The following CNTNAP2 variants were observed in gnomAD, a reference collection of about 807,000 sequenced individuals.
CNTNAP2 encodes the protein contactin associated protein 2.
Under a neutral mutation model 155.2 loss-of-function variants are expected in CNTNAP2, and 98 were observed. The ratio of observed to expected loss-of-function variants is 0.63; its 90% CI spans 0.54 to 0.75. The LOEUF is 0.75. CNTNAP2 is among the 30% of genes least tolerant of loss of function. The pLI is 0.00. For missense variants in CNTNAP2, 1,727 were observed against 1,688.1 expected, an observed-to-expected ratio of 1.02 and a Z score of -0.40; for synonymous variants, 651 against 631.2, an observed-to-expected ratio of 1.03 and a Z score of -0.47.
At chr7:147,884,608 G>T (rs954132443) in intron 13 of CNTNAP2, among the ~76,000 whole-genome samples, 1 of 151,992 alleles carries the variant, frequency 6.6e-6, no homozygotes, top group Admixed American at 6.6e-5. Flanking sequence ...ATACATACAA[G>T]GAAAAATGTA....
intron 3 of CNTNAP2, among the ~76,000 whole-genome samples, chr7:146,880,139 CA>C (rs1218429912): frequency 6.6e-6 from 1 of 152,086 alleles, no homozygotes; most frequent in East Asian, 1.9e-4. Flanking sequence ...GGGACACAGC[CA>C]AATATATCAC....
At chr7:146,396,717 A>G (rs1795633136) in intron 1 of CNTNAP2, among the ~76,000 whole-genome samples, 2 of 150,596 alleles carry the variant, frequency 1.3e-5, no homozygotes, top group South Asian at 2.1e-4. Context: ...ACATATATAT[A>G]TGTGTATATA....
intron 8 of CNTNAP2, among the ~76,000 whole-genome samples, chr7:147,144,465 T>C (rs1345283992): frequency 6.6e-6 from 1 of 152,184 alleles, no homozygotes; most frequent in Non-Finnish European, 1.5e-5. Flanking sequence ...TACCACGTAT[T>C]CTTTATAATG....
At chr7:146,723,798 G>C (rs1001427622) in intron 1 of CNTNAP2, among the ~76,000 whole-genome samples, 7 of 152,136 alleles carry the variant, frequency 4.6e-5, no homozygotes, top group Admixed American at 1.3e-4. Flanking sequence ...TAATAACCAG[G>C]TATTTTCTTT....
chr7:147,238,133 G>A (rs958044104), intron 8 of CNTNAP2, among the ~76,000 whole-genome samples: 1 of 152,138 alleles, frequency 6.6e-6, no homozygotes, highest in Non-Finnish European at 1.5e-5. Context: ...TCCTGCCTCG[G>A]CCTCCCGAGT....
intron 1 of CNTNAP2, among the ~76,000 whole-genome samples, chr7:146,708,104 A>T (rs66845989): frequency 0.091 from 13,879 of 152,142 alleles, 1,681 homozygotes; most frequent in African/African-American, 0.28. Context: ...TCTATAAAAA[A>T]TACCAAAGAA....
intron 1 of CNTNAP2, among the ~76,000 whole-genome samples, chr7:146,554,254 A>T (rs1798163850): frequency 6.6e-6 from 1 of 152,150 alleles, no homozygotes; most frequent in Non-Finnish European, 1.5e-5. Context: ...GCCCCTAAAA[A>T]AATACTCATT....
At chr7:147,663,285 C>T (rs1238736029) in intron 13 of CNTNAP2, among the ~76,000 whole-genome samples, 1 of 152,246 alleles carries the variant, frequency 6.6e-6, no homozygotes, top group Non-Finnish European at 1.5e-5. Flanking sequence ...CGTAAGCCAC[C>T]GTGCCCAGCT....
chr7:148,170,605 T>C (rs1805769502), intron 17 of CNTNAP2, among the ~76,000 whole-genome samples: 1 of 152,218 alleles, frequency 6.6e-6, no homozygotes, highest in Admixed American at 6.5e-5. Context: ...TATTCCAATA[T>C]GTTAGAAGAA....
intron 1 of CNTNAP2, among the ~76,000 whole-genome samples, chr7:146,631,554 C>G (rs927556260): frequency 6.6e-6 from 1 of 152,094 alleles, no homozygotes; most frequent in African/African-American, 2.4e-5. Flanking sequence ...ACAAATGACC[C>G]CAGGTTCTTC....
chr7:147,054,974 T>G (rs943559830), intron 4 of CNTNAP2, among the ~76,000 whole-genome samples: 3 of 152,176 alleles, frequency 2.0e-5, no homozygotes, highest in Non-Finnish European at 4.4e-5. Context: ...TTTTTCACCT[T>G]TCATGCTCGT....
intron 1 of CNTNAP2, among the ~76,000 whole-genome samples, chr7:146,387,754 G>A (rs188350010): frequency 1.1e-3 from 174 of 152,148 alleles, no homozygotes; most frequent in Admixed American, 2.0e-3. Context: ...GAGAAATGAG[G>A]CCTCAACCTC....
chr7:146,998,281 A>G lies in CNTNAP2; in HGVS notation c.403-45626A>G, dbSNP rs994973989. ...TTAAATTTCATTTTTAAATTTTTTCATTGTCCCATTGTTTGTTCAGGGACA... is the reference window on the plus strand; with the variant it reads ...TTAAATTTCATTTTTAAATTTTTTCGTTGTCCCATTGTTTGTTCAGGGACA... On this transcript the variant is annotated intron_variant, in intron 3 of 23. Transcript: ENST00000361727. Among the ~76,000 whole-genome samples the G allele has an allele frequency of 2.6e-5, 4 of 151,962 alleles. No individual in the cohort carries two copies. In the East Asian group the frequency reaches 5.8e-4, roughly 22 times the overall value.
intron 8 of CNTNAP2, among the ~76,000 whole-genome samples, chr7:147,169,687 G>T (rs71530772): frequency 2.0e-5 from 3 of 151,960 alleles, no homozygotes; most frequent in African/African-American, 7.3e-5. Context: ...CTAGAGGAAT[G>T]GATAAATTCT....
At chr7:148,016,423 G>A (rs1169114561) in intron 15 of CNTNAP2, among the ~76,000 whole-genome samples, 1 of 152,116 alleles carries the variant, frequency 6.6e-6, no homozygotes, top group East Asian at 1.9e-4. Context: ...CATGACACTT[G>A]GATGCTCCAG....
intron 3 of CNTNAP2, among the ~76,000 whole-genome samples, chr7:146,880,440 G>C (rs1451922469): frequency 6.6e-6 from 1 of 151,784 alleles, no homozygotes; most frequent in South Asian, 2.1e-4. Flanking sequence ...TAGAATTCCA[G>C]CTTTCAGAAC....
chr7:146,497,606 A>G (rs766156838), intron 1 of CNTNAP2, among the ~76,000 whole-genome samples: 2 of 151,878 alleles, frequency 1.3e-5, no homozygotes, highest in Admixed American at 1.3e-4. Flanking sequence ...TCTCTTCTCC[A>G]ACAAAATTCT....
intron 11 of CNTNAP2, among the ~76,000 whole-genome samples, chr7:147,498,408 A>T (rs1477808983): frequency 6.6e-6 from 1 of 152,238 alleles, no homozygotes; most frequent in East Asian, 1.9e-4. Flanking sequence ...CTCTGTCTTG[A>T]AACTTTTGCT....
intron 8 of CNTNAP2, among the ~76,000 whole-genome samples, chr7:147,145,635 A>G (rs1028551758): frequency 3.9e-5 from 6 of 152,072 alleles, no homozygotes; most frequent in African/African-American, 9.7e-5. Flanking sequence ...AGACAAGCTG[A>G]TTCCTGTAGT....
Sources: gnomAD v4.1 joint callset for allele counts (sites outside exome capture counted in the v4.1 genomes callset) on GRCh38, gnomAD v4.1.1 for gene constraint, MANE v1.5 for transcripts, NCBI Gene and HGNC (gene_info 2026-07-23, HGNC 2026-07-21) for gene names.